The following SHC4 variants were observed in gnomAD, a reference collection of about 807,000 sequenced individuals.
SHC4 encodes SHC-transforming protein 4.
SHC4 carries 41 observed loss-of-function variants against 69.4 expected under a neutral mutation model. The ratio of observed to expected loss-of-function variants is 0.59; its 90% CI spans 0.46 to 0.77. The LOEUF (loss-of-function observed/expected upper bound fraction) is 0.77. Among genes scored for constraint, SHC4 ranks in the 30% least tolerant of loss-of-function variants. SHC4 has a pLI of 0.00. For missense variants in SHC4, 777 were observed against 783.8 expected, an observed-to-expected ratio of 0.99 and a Z score of 0.10; for synonymous variants, 318 against 299.3, an observed-to-expected ratio of 1.06 and a Z score of -0.64.
Position 48,919,295 on chromosome 15 carries a change from ATTTT to A in SHC4, c.656+5580_656+5583del, listed in dbSNP as rs386382928. ...CTCACACTCTTAAAAATTTATTTTA[ATTTT>A]TTTTTTTTTTTTTTTTGTAGAGATG... On this transcript the variant is annotated intron_variant, in intron 2 of 11. Coordinates refer to ENST00000332408, the MANE Select transcript of SHC4 (RefSeq NM_203349.4). 2.5e-4 allele frequency among the ~76,000 whole-genome samples: 18 copies of A among 71,244 alleles called. 1 individual carries two copies. The South Asian group carries it at 2.6e-3, about 10-fold the overall frequency. 46.7% of individuals were successfully genotyped at this position (71,244 alleles called of 152,430 possible). A position where few individuals can be genotyped will look rare whatever the true frequency, so the allele number is the denominator to read the frequency against.
chr15:48,958,690 C>T (rs544194178), intron 1 of SHC4, among the ~76,000 whole-genome samples: 6 of 152,296 alleles, frequency 3.9e-5, no homozygotes, highest in East Asian at 1.9e-4. Context: ...AACACTGTCA[C>T]GTTGTAGATT....
At chr15:48,917,144 A>C (rs1009823301) in intron 2 of SHC4, among the ~76,000 whole-genome samples, 4 of 152,022 alleles carry the variant, frequency 2.6e-5, no homozygotes, top group African/African-American at 9.7e-5. Flanking sequence ...AGAGGTAGCC[A>C]TCCTTAGAGG....
At chr15:48,892,450 T>A (rs759734186) in intron 2 of SHC4, among the ~76,000 whole-genome samples, 5 of 152,178 alleles carry the variant, frequency 3.3e-5, no homozygotes, top group Non-Finnish European at 7.3e-5. Context: ...CTATCCTTTG[T>A]TCTCTGGAGT....
intron 11 of SHC4, among the ~76,000 whole-genome samples, chr15:48,832,239 T>G: frequency 6.6e-6 from 1 of 152,142 alleles, no homozygotes; most frequent in Non-Finnish European, 1.5e-5. Context: ...GCCATTGTAC[T>G]CCAGCCTGGG....
In SHC4 at chr15:48,857,689, G is replaced by T; in HGVS notation, c.1070+3C>A. The T allele has an allele frequency of 1.3e-6, 2 of 1,592,292 alleles. No individual in the cohort carries two copies. The highest frequency in any genetic ancestry group is 1.2e-5 in the South Asian group (1 of 86,672). Reference sequence around the variant, plus strand: ...TCAAATTATTATAAAACTCTTGGCTGACCTTTCACAAGAAGTATTCAAAGA... The same window carrying T: ...TCAAATTATTATAAAACTCTTGGCTTACCTTTCACAAGAAGTATTCAAAGA... On this transcript the variant is annotated splice_donor_region_variant and intron_variant, in intron 7 of 11. Coordinates refer to ENST00000332408, the MANE Select transcript of SHC4 (RefSeq NM_203349.4).
chr15:48,867,793 A>G, intron 6 of SHC4, 25 bp downstream of exon 6: 1 of 1,610,550 alleles, frequency 6.2e-7, no homozygotes, highest in Non-Finnish European at 8.5e-7. Context: ...AGCTCTTTAA[A>G]AAATCTGTAA....
At chr15:48,875,980 G>A (rs145570210) in intron 4 of SHC4, among the ~76,000 whole-genome samples, 10 of 152,318 alleles carry the variant, frequency 6.6e-5, no homozygotes, top group African/African-American at 1.7e-4. Flanking sequence ...GAGCACACAC[G>A]TCTTCTCTTA....
chr15:48,875,678 G>A (rs904565993), intron 4 of SHC4, among the ~76,000 whole-genome samples: 1 of 152,196 alleles, frequency 6.6e-6, no homozygotes, highest in Non-Finnish European at 1.5e-5. Context: ...AACTATTCAA[G>A]TCTTTGAATG....
intron 6 of SHC4, among the ~76,000 whole-genome samples, chr15:48,866,082 A>AT (rs1899553233): frequency 6.6e-6 from 1 of 152,170 alleles, no homozygotes; most frequent in Non-Finnish European, 1.5e-5. Context: ...TTCCTGATGT[A>AT]TTTTTTTCTT....
chr15:48,857,853 T>C (rs1899359867), intron 6 of SHC4, 38 bp from the exon 7 acceptor site: 1 of 1,443,440 alleles, frequency 6.9e-7, no homozygotes, highest in African/African-American at 1.5e-5. Flanking sequence ...TTATAATAAA[T>C]TTTTAGAAAG....
chr15:48,861,464 G>A (rs191034166), intron 6 of SHC4, among the ~76,000 whole-genome samples: 12 of 152,282 alleles, frequency 7.9e-5, no homozygotes, highest in Non-Finnish European at 7.4e-5. Flanking sequence ...GTCTTTTTTA[G>A]GTTGGTCATG....
At chr15:48,864,659 G>T (rs1276116495) in intron 6 of SHC4, among the ~76,000 whole-genome samples, 1 of 151,760 alleles carries the variant, frequency 6.6e-6, no homozygotes, top group Non-Finnish European at 1.5e-5. Flanking sequence ...GTGTTAGCCA[G>T]GATGGTCTCC....
chr15:48,934,375 C>A (rs1308188192), intron 1 of SHC4, among the ~76,000 whole-genome samples: 1 of 152,052 alleles, frequency 6.6e-6, no homozygotes, highest in African/African-American at 2.4e-5. Flanking sequence ...CAAATCAAAG[C>A]CACAGTGAGG....
intron 2 of SHC4, among the ~76,000 whole-genome samples, chr15:48,917,263 G>C (rs1252083691): frequency 6.6e-6 from 1 of 151,208 alleles, no homozygotes; most frequent in Non-Finnish European, 1.5e-5. Context: ...GTGTGTGTGT[G>C]TGTGTGTGTG....
intron 11 of SHC4, among the ~76,000 whole-genome samples, chr15:48,829,214 T>C (rs1474455953): frequency 2.0e-5 from 3 of 152,242 alleles, no homozygotes; most frequent in Non-Finnish European, 2.9e-5. Context: ...ATTCTGTTGC[T>C]GTTGGATGGA....
chr15:48,882,401 T>C (rs1451057440), intron 4 of SHC4, among the ~76,000 whole-genome samples: 1 of 152,182 alleles, frequency 6.6e-6, no homozygotes, highest in Non-Finnish European at 1.5e-5. Context: ...AGAAAAGCTA[T>C]GGATTACTTT....
At chr15:48,876,136 GCTTA>G (rs1265764093) in intron 4 of SHC4, among the ~76,000 whole-genome samples, 4 of 152,184 alleles carry the variant, frequency 2.6e-5, no homozygotes, top group African/African-American at 9.7e-5. Context: ...AAAAAAACTT[GCTTA>G]CTTGTGTGAC....
chr15:48,920,481 T>C (rs1900731685), intron 2 of SHC4, among the ~76,000 whole-genome samples: 1 of 151,978 alleles, frequency 6.6e-6, no homozygotes, highest in African/African-American at 2.4e-5. Flanking sequence ...GGTAGGTTTC[T>C]AGTTGTATGT....
At chr15:48,943,675 A>C (rs34418609) in intron 1 of SHC4, among the ~76,000 whole-genome samples, 16 of 151,992 alleles carry the variant, frequency 1.1e-4, no homozygotes, top group African/African-American at 3.9e-4. Flanking sequence ...AAGAACCTCC[A>C]TATTGTTTTC....
Sources: allele counts gnomAD v4.1 joint callset (sites outside exome capture counted in the v4.1 genomes callset), GRCh38; gene constraint gnomAD v4.1.1; transcripts MANE v1.5; gene names NCBI Gene and HGNC (gene_info 2026-07-23, HGNC 2026-07-21).